DENND1A: variants seen among roughly 807,000 people sequenced by gnomAD.
DENND1A encodes the protein DENN domain-containing protein 1A.
DENND1A carries 51 observed loss-of-function variants against 113.7 expected under a neutral mutation model. The observed-to-expected ratio is 0.45, with a 90% CI of 0.36 to 0.57. The LOEUF (loss-of-function observed/expected upper bound fraction) is 0.57, where lower values mean the gene tolerates loss of function less well. Ranked by LOEUF, DENND1A falls within the 20% of genes least tolerant of loss-of-function variation. The pLI is 0.00. For synonymous variants in DENND1A, 565 were observed against 570.8 expected, an observed-to-expected ratio of 0.99 and a Z score of 0.14; for missense variants, 1,258 against 1,395.9, an observed-to-expected ratio of 0.90 and a Z score of 1.57.
At chr9:123,659,899 A>T (rs1319436896) in intron 8 of DENND1A, among the ~76,000 whole-genome samples, 1 of 152,274 alleles carries the variant, frequency 6.6e-6, no homozygotes, top group African/African-American at 2.4e-5. Context: ...ACACTGCTAG[A>T]GCTCAACAGT....
At chr9:123,449,220 C>T (rs1318660019) in intron 18 of DENND1A, among the ~76,000 whole-genome samples, 3 of 152,142 alleles carry the variant, frequency 2.0e-5, no homozygotes, top group Non-Finnish European at 4.4e-5. Flanking sequence ...TAGTCTGGCC[C>T]ACCCTTAAGA....
chr9:123,440,273 A>C, intron 19 of DENND1A, 87 bp downstream of exon 19: 2 of 1,435,916 alleles, frequency 1.4e-6, no homozygotes, highest in South Asian at 1.4e-5. Flanking sequence ...ACTGAAATGA[A>C]AAACCGTCTG....
intron 1 of DENND1A, among the ~76,000 whole-genome samples, chr9:123,901,119 G>A (rs569222543): frequency 6.6e-6 from 1 of 152,328 alleles, no homozygotes; most frequent in East Asian, 1.9e-4. Flanking sequence ...GCAGCTGAAG[G>A]ATTTTAAGCA....
chr9:123,918,439 G>A (rs1461323106), intron 1 of DENND1A, among the ~76,000 whole-genome samples: 1 of 148,876 alleles, frequency 6.7e-6, no homozygotes, highest in Non-Finnish European at 1.5e-5. Context: ...AGTGAGCTGA[G>A]ATCACGCCAC....
chr9:123,926,568 A>T (rs1857132902), intron 1 of DENND1A, among the ~76,000 whole-genome samples: 2 of 111,476 alleles, frequency 1.8e-5, no homozygotes, highest in South Asian at 5.8e-4. Context: ...ACTCCATCTC[A>T]AAAAAAAAAA....
In DENND1A at chr9:123,926,782, G is replaced by A. The variant is rs536477364; in HGVS notation, c.17+3107C>T. On this transcript the variant is annotated intron_variant, in intron 1 of 23. Transcript: ENST00000394215. ...CCATGAACTCTTCTCAAACAACCATGTGCCAGGCATTGAGTCTGACACAGG... is the reference window on the plus strand; with the variant it reads ...CCATGAACTCTTCTCAAACAACCATATGCCAGGCATTGAGTCTGACACAGG... 2.6e-5 allele frequency among the ~76,000 whole-genome samples: 4 copies of A among 151,884 alleles called. No individual in the cohort carries two copies. In the South Asian group the frequency reaches 8.3e-4, roughly 32 times the overall value.
chr9:123,454,630 G>T, intron 16 of DENND1A, 109 bp downstream of exon 16: 1 of 1,120,358 alleles, frequency 8.9e-7, no homozygotes, highest in Non-Finnish European at 1.3e-6. Flanking sequence ...GGCATCTCCA[G>T]CAGAGAGAAT....
At chr9:123,701,182 T>G (rs2065862602) in intron 5 of DENND1A, among the ~76,000 whole-genome samples, 1 of 152,060 alleles carries the variant, frequency 6.6e-6, no homozygotes, top group African/African-American at 2.4e-5. Context: ...AAGTAAAAAT[T>G]GATAGAAGGT....
At chr9:123,658,208 C>T (rs73665321) in intron 8 of DENND1A, among the ~76,000 whole-genome samples, 5 of 151,942 alleles carry the variant, frequency 3.3e-5, no homozygotes, top group Admixed American at 6.6e-5. Flanking sequence ...ATGACACCAA[C>T]GAGATAATTA....
chr9:123,444,191 C>T (rs2047137207), intron 18 of DENND1A, among the ~76,000 whole-genome samples: 1 of 152,154 alleles, frequency 6.6e-6, no homozygotes, highest in African/African-American at 2.4e-5. Context: ...TGTATATGCC[C>T]TTTGGCCCAC....
intron 8 of DENND1A, among the ~76,000 whole-genome samples, chr9:123,657,775 G>C (rs1373408921): frequency 6.7e-6 from 1 of 150,274 alleles, no homozygotes; most frequent in Non-Finnish European, 1.5e-5. Context: ...TTTTTTTTAA[G>C]AATTTAGGTA....
intron 1 of DENND1A, among the ~76,000 whole-genome samples, chr9:123,894,849 A>G (rs1564460621): frequency 6.6e-6 from 1 of 152,240 alleles, no homozygotes; most frequent in Non-Finnish European, 1.5e-5. Flanking sequence ...AGTGAGCTAC[A>G]GCATTCAAGA....
chr9:123,459,384 A>G (rs2048367884), intron 13 of DENND1A, among the ~76,000 whole-genome samples: 1 of 152,204 alleles, frequency 6.6e-6, no homozygotes, highest in Admixed American at 6.5e-5. Flanking sequence ...CAGTGACCTT[A>G]AACAATAGCA....
At chr9:123,438,847 AAAG>A (rs1209504285) in intron 19 of DENND1A, among the ~76,000 whole-genome samples, 5 of 152,184 alleles carry the variant, frequency 3.3e-5, no homozygotes, top group African/African-American at 1.2e-4. Flanking sequence ...GCTGAAATGG[AAAG>A]AAGGTCTTTC....
intron 13 of DENND1A, among the ~76,000 whole-genome samples, chr9:123,549,738 T>G (rs1239588283): frequency 1.3e-5 from 2 of 152,188 alleles, no homozygotes; most frequent in Non-Finnish European, 2.9e-5. Flanking sequence ...AAAATGCATA[T>G]GAAATCTTGT....
At chr9:123,770,440 C>A (rs565637128) in intron 3 of DENND1A, among the ~76,000 whole-genome samples, 5 of 152,174 alleles carry the variant, frequency 3.3e-5, no homozygotes, top group South Asian at 4.1e-4. Flanking sequence ...TATAACTTTC[C>A]CTAAAAGACA....
intron 13 of DENND1A, among the ~76,000 whole-genome samples, chr9:123,475,667 C>T (rs1278969508): frequency 2.6e-5 from 4 of 152,254 alleles, no homozygotes; most frequent in African/African-American, 9.6e-5. Context: ...CGCTGCTGCA[C>T]ACTCGCCTGC....
intron 13 of DENND1A, among the ~76,000 whole-genome samples, chr9:123,544,240 A>C (rs1004665001): frequency 1.3e-5 from 2 of 152,226 alleles, no homozygotes; most frequent in African/African-American, 4.8e-5. Context: ...CCAGCGTTTT[A>C]AGTTTTCATC....
intron 13 of DENND1A, among the ~76,000 whole-genome samples, chr9:123,511,359 C>T (rs913030124): frequency 1.3e-5 from 2 of 152,358 alleles, no homozygotes; most frequent in Admixed American, 1.3e-4. Flanking sequence ...TGCTAGGTGC[C>T]ATGTCAGGCA....
Sources: gnomAD v4.1 joint callset for allele counts (sites outside exome capture counted in the v4.1 genomes callset) on GRCh38, gnomAD v4.1.1 for gene constraint, MANE v1.5 for transcripts, NCBI Gene and HGNC (gene_info 2026-07-23, HGNC 2026-07-21) for gene names.